The following DNAH14 variants were observed in gnomAD, a reference collection of about 807,000 sequenced individuals.
The protein encoded by DNAH14 is axonemal beta dynein heavy chain 14.
Under a neutral mutation model 520.9 loss-of-function variants are expected in DNAH14, and 478 were observed. The observed-to-expected ratio is 0.92, with a 90% CI of 0.85 to 0.99. The LOEUF (loss-of-function observed/expected upper bound fraction) is 0.99, where lower values mean the gene tolerates loss of function less well. DNAH14 is among the 50% of genes least tolerant of loss of function. DNAH14 has a pLI of 0.00. For missense variants in DNAH14, 4,831 were observed against 5,234.5 expected, an observed-to-expected ratio of 0.92 and a Z score of 2.38; for synonymous variants, 1,581 against 1,757.2, an observed-to-expected ratio of 0.90 and a Z score of 2.51.
chr1:225,056,181 A>AT (rs2069068565), intron 17 of DNAH14, among the ~76,000 whole-genome samples: 1 of 151,970 alleles, frequency 6.6e-6, no homozygotes, highest in Admixed American at 6.6e-5. Flanking sequence ...ATTTCTCCAC[A>AT]TCCTCTCCAG....
Position 225,388,499 on chromosome 1 carries a change from T to G in DNAH14, c.13190+8T>G. ...TACTGCAATACAGCGTCGGTATGGA[T>G]AAAAGATGCTTTACATTTCTTCCTC... On this transcript the variant is annotated splice_region_variant and intron_variant, in intron 82 of 85. Coordinates refer to ENST00000682510, the MANE Select transcript of DNAH14 (RefSeq NM_001367479.1). 1 of 1,428,444 alleles carries G rather than the reference T, an allele frequency of 7.0e-7. No homozygotes were observed. The highest frequency in any genetic ancestry group is 9.6e-7 in the Non-Finnish European group (1 of 1,046,884). The allele number at this position is 1,428,444 out of a possible 1,614,324, so 88.5% of individuals were successfully genotyped here.
intron 54 of DNAH14, among the ~76,000 whole-genome samples, chr1:225,288,144 A>C (rs534952938): frequency 6.6e-6 from 1 of 152,242 alleles, no homozygotes; most frequent in East Asian, 1.9e-4. Flanking sequence ...GGAAGGGGGA[A>C]AAAAGAGTAA....
intron 36 of DNAH14, among the ~76,000 whole-genome samples, chr1:225,169,494 C>T (rs1279636794): frequency 5.9e-5 from 9 of 152,202 alleles, no homozygotes; most frequent in Admixed American, 2.6e-4. Flanking sequence ...AACGATGTGA[C>T]GCATGCACAA....
chr1:225,135,189 C>G (rs891395439), intron 27 of DNAH14, among the ~76,000 whole-genome samples: 2 of 152,062 alleles, frequency 1.3e-5, no homozygotes, highest in Non-Finnish European at 2.9e-5. Context: ...TTCTTCTCTT[C>G]TGCTAGCTTT....
chr1:225,203,726 C>A (rs1305534800), intron 38 of DNAH14, among the ~76,000 whole-genome samples: 5 of 152,038 alleles, frequency 3.3e-5, no homozygotes, highest in Non-Finnish European at 7.4e-5. Context: ...CATCCCAAAC[C>A]TATTCAATTA....
intron 11 of DNAH14, chr1:225,024,155 T>C: frequency 1.1e-6 from 1 of 910,284 alleles, no homozygotes. Flanking sequence ...AAATTCAGAT[T>C]TCTCTGATAA....
At position 225,174,152 on chromosome 1, in the gene DNAH14, C is replaced by A. The variant is rs569338332; in HGVS notation, c.5535+6124C>A. On this transcript the variant is annotated intron_variant, in intron 36 of 85. Transcript: ENST00000682510. The stretch of plus-strand genomic sequence containing the variant: ...GGGAGGGATAGCATTAGGAGATATA[C>A]CTAATATTAAATGACGAGTCGATGG... 2.6e-5 allele frequency among the ~76,000 whole-genome samples: 4 copies of A among 152,020 alleles called. No individual in the cohort carries two copies. In the South Asian group the frequency reaches 6.2e-4, roughly 24 times the overall value.
chr1:225,076,985 G>A (rs1406219946), intron 17 of DNAH14, among the ~76,000 whole-genome samples: 1 of 151,684 alleles, frequency 6.6e-6, no homozygotes, highest in Non-Finnish European at 1.5e-5. Flanking sequence ...GATGTTCCCT[G>A]CCCTGTGTCC....
chr1:225,190,809 A>T (rs1485192556), intron 37 of DNAH14, among the ~76,000 whole-genome samples: 1 of 151,958 alleles, frequency 6.6e-6, no homozygotes, highest in Non-Finnish European at 1.5e-5. Context: ...TTCATCTTAG[A>T]CTTTTACTCT....
intron 41 of DNAH14, among the ~76,000 whole-genome samples, chr1:225,218,323 A>C (rs1274776883): frequency 6.6e-6 from 1 of 152,220 alleles, no homozygotes; most frequent in African/African-American, 2.4e-5. Context: ...CCTTAAATGT[A>C]AATGGGCTAA....
intron 17 of DNAH14, among the ~76,000 whole-genome samples, chr1:225,077,618 G>A (rs3128649): frequency 0.8 from 121,331 of 152,128 alleles, 51,751 homozygotes; most frequent in Non-Finnish European, 0.96. Context: ...GTCTATTACT[G>A]AATTATTTTA....
At chr1:225,196,841 C>T (rs2086201405) in intron 38 of DNAH14, among the ~76,000 whole-genome samples, 1 of 142,398 alleles carries the variant, frequency 7.0e-6, no homozygotes, top group Non-Finnish European at 1.5e-5. Flanking sequence ...TATCTTTAGC[C>T]CACTTATTGA....
chr1:224,990,164 T>A (rs1313472197), intron 8 of DNAH14, among the ~76,000 whole-genome samples: 2 of 152,120 alleles, frequency 1.3e-5, no homozygotes, highest in African/African-American at 4.8e-5. Context: ...TAAATGATAT[T>A]ATATATTTAC....
At chr1:225,372,181 A>C (rs1575074192) in intron 77 of DNAH14, among the ~76,000 whole-genome samples, 1 of 152,202 alleles carries the variant, frequency 6.6e-6, no homozygotes, top group East Asian at 1.9e-4. Flanking sequence ...CAAAATTAAT[A>C]ATCAGATATA....
intron 8 of DNAH14, among the ~76,000 whole-genome samples, chr1:225,001,991 A>G (rs2063806546): frequency 6.6e-6 from 1 of 152,184 alleles, no homozygotes; most frequent in Admixed American, 6.6e-5. Flanking sequence ...AAACTTCACT[A>G]GCTTTATAAT....
intron 23 of DNAH14, among the ~76,000 whole-genome samples, chr1:225,113,465 C>T (rs2076632479): frequency 6.6e-6 from 1 of 152,126 alleles, no homozygotes; most frequent in South Asian, 2.1e-4. Context: ...GTGCAAGGTC[C>T]ACTGTAATCA....
At chr1:225,279,272 G>A (rs757750541) in intron 54 of DNAH14, among the ~76,000 whole-genome samples, 2 of 152,188 alleles carry the variant, frequency 1.3e-5, no homozygotes, top group African/African-American at 4.8e-5. Flanking sequence ...CTCCCAAAGT[G>A]CTGGGATTAC....
chr1:224,980,927 C>A (rs530430953), intron 8 of DNAH14, among the ~76,000 whole-genome samples: 9 of 152,138 alleles, frequency 5.9e-5, no homozygotes, highest in Non-Finnish European at 1.3e-4. Flanking sequence ...CACCATGGCA[C>A]GTGTATACCT....
intron 43 of DNAH14, among the ~76,000 whole-genome samples, chr1:225,243,577 C>A (rs1030165012): frequency 6.6e-6 from 1 of 151,860 alleles, no homozygotes; most frequent in Admixed American, 6.6e-5. Flanking sequence ...AAATGAATGG[C>A]ATCCATTTTT....
Sources: gnomAD v4.1 joint callset for allele counts (sites outside exome capture counted in the v4.1 genomes callset) on GRCh38, gnomAD v4.1.1 for gene constraint, MANE v1.5 for transcripts, NCBI Gene and HGNC (gene_info 2026-07-23, HGNC 2026-07-21) for gene names.